ANGPTL3: variants seen among roughly 807,000 people sequenced by gnomAD.
The protein encoded by ANGPTL3 is angiopoietin-related protein 3.
A neutral mutation model predicts 52.7 loss-of-function variants in ANGPTL3; 51 were observed. The ratio of observed to expected loss-of-function variants is 0.97; its 90% CI spans 0.77 to 1.22. ANGPTL3 has a LOEUF of 1.22. Among genes scored for constraint, ANGPTL3 ranks in the 50% most tolerant of loss-of-function variants. The pLI is 0.00. For missense variants in ANGPTL3, 506 were observed against 520.7 expected (o/e 0.97, Z 0.27); for synonymous variants, 185 against 179.8 (o/e 1.03, Z -0.23).
In ANGPTL3 at chr1:62,597,821, A is replaced by G; in HGVS notation, c.255A>G (p.Leu85=). ...LNIFDQSFYD[L]SLQTSEIKEE... is the part of the protein sequence containing the mutation. ...TATTTGATCAGTCTTTTTATGATCT[A>G]TCGCTGCAAACCAGTGAAATCAAAG... Residue 85 remains leucine, a synonymous_variant, in exon 1 of 7, where the codon CTA becomes CTG. Coordinates refer to ENST00000371129, the MANE Select transcript of ANGPTL3 (RefSeq NM_014495.4). The G allele has an allele frequency of 6.2e-7, 1 of 1,612,934 alleles. No individual in the cohort carries two copies. Among genetic ancestry groups the G allele is most frequent in the Non-Finnish European group, 8.5e-7 (1 of 1,179,412 alleles).
chr1:62,598,713 A>G lies in ANGPTL3; in HGVS notation c.513A>G (p.Gln171=). Residue 171 remains glutamine, a synonymous_variant, in exon 2 of 7, where the codon CAA becomes CAG. Transcript: ENST00000371129. ...ATATCCAGACTTTTGTAGAAAAACA[A>G]GATAATAGCATCAAAGACCTTCTCC... ...VTSLKTFVEK[Q]DNSIKDLLQT... 1 of 1,608,668 alleles carries G rather than the reference A, an allele frequency of 6.2e-7. No individual in the cohort carries two copies. The highest frequency in any genetic ancestry group is 1.1e-5 in the South Asian group (1 of 90,940).
chr1:62,601,145 A>C lies in ANGPTL3; in HGVS notation c.670A>C (p.Arg224=). The change falls in exon 3 of 7, where the codon AGA becomes CGA. Residue 224 remains arginine (R), a synonymous_variant. Transcript: ENST00000371129. The part of the protein sequence containing the change: ...ISLSSKPRAP[R]TTPFLQLNEI... Reference sequence around the variant, plus strand: ...TCTATCTTCCAAGCCAAGAGCACCAAGAACTACTCCCTTTCTTCAGTTGAA... The same window carrying C: ...TCTATCTTCCAAGCCAAGAGCACCACGAACTACTCCCTTTCTTCAGTTGAA... 1 of 1,611,142 alleles carries C rather than the reference A, an allele frequency of 6.2e-7. No individual in the cohort carries two copies. The highest frequency in any genetic ancestry group is 8.5e-7 in the Non-Finnish European group (1 of 1,177,790).
chr1:62,598,711 C>T lies in ANGPTL3; in HGVS notation c.511C>T (p.Gln171Ter). Reference sequence around the variant, plus strand: ...CTATATCCAGACTTTTGTAGAAAAACAAGATAATAGCATCAAAGACCTTCT... The same window carrying T: ...CTATATCCAGACTTTTGTAGAAAAATAAGATAATAGCATCAAAGACCTTCT... ...VTSLKTFVEK[Q>*]DNSIKDLLQT... Residue 171 changes from glutamine to a stop codon, truncating the protein, a stop_gained, in exon 2 of 7, where the codon CAA (glutamine) becomes TAA (stop). Coordinates refer to ENST00000371129, the MANE Select transcript of ANGPTL3 (RefSeq NM_014495.4). LOFTEE classifies it high-confidence loss of function. 2 of 1,607,834 alleles carry T rather than the reference C, an allele frequency of 1.2e-6. No homozygotes were observed. The highest frequency in any genetic ancestry group is 1.7e-6 in the Non-Finnish European group (2 of 1,174,936).
At position 62,604,149 on chromosome 1, in the gene ANGPTL3, A is replaced by T; in HGVS notation, c.1112A>T (p.Asn371Ile). Residue 371 changes from asparagine to isoleucine, a missense_variant, in exon 6 of 7, where the codon AAT (asparagine) becomes ATT (isoleucine). Transcript: ENST00000371129. The stretch of plus-strand genomic sequence containing the variant: ...GTTGCGATTACTGGCAATGTCCCCA[A>T]TGCAATCCCGGAAAACAAAGATTTG... Reference protein sequence around the residue: ...HLVAITGNVPNAIPENKDLVF... With the variant: ...HLVAITGNVPIAIPENKDLVF... 4 of 1,613,460 alleles carry T rather than the reference A, an allele frequency of 2.5e-6. No homozygotes were observed. In the South Asian group the frequency reaches 3.3e-5, roughly 13 times the overall value.
chr1:62,600,935 C>G, intron 2 of ANGPTL3, 147 bp from the exon 3 acceptor site: 1 of 609,874 alleles, frequency 1.6e-6, no homozygotes, highest in African/African-American at 1.9e-5. Flanking sequence ...TCTGTACAAT[C>G]TGAATAACAC....
In ANGPTL3 at chr1:62,604,055, G is replaced by A; in HGVS notation, c.1018G>A (p.Asp340Asn). 1 of 1,613,150 alleles carries A rather than the reference G, an allele frequency of 6.2e-7. No homozygotes were observed. Among genetic ancestry groups the A allele is most frequent in the Non-Finnish European group, 8.5e-7 (1 of 1,179,348 alleles). Reference sequence around the variant, plus strand: ...ACGAATTGAGTTGGAAGACTGGAAAGACAACAAACATTATATTGAATATTC... The same window carrying A: ...ACGAATTGAGTTGGAAGACTGGAAAAACAACAAACATTATATTGAATATTC... The part of the protein sequence containing the change: ...VLRIELEDWK[D>N]NKHYIEYSFY... The change falls in exon 6 of 7, where the codon GAC becomes AAC. Residue 340 changes from aspartate to asparagine, a missense_variant. Transcript: ENST00000371129.
chr1:62,597,727 G>A lies in ANGPTL3; in HGVS notation c.161G>A (p.Gly54Glu). 6.2e-7 allele frequency: 1 copy of A among 1,613,480 alleles called. No individual in the cohort carries two copies. Among genetic ancestry groups the A allele is most frequent in the Non-Finnish European group, 8.5e-7 (1 of 1,179,704 alleles). ...KILANGLLQL[G>E]HGLKDFVHKT... is the part of the protein sequence containing the mutation. ...TTAGCCAATGGCCTCCTTCAGTTGG[G>A]ACATGGTCTTAAAGACTTTGTCCAT... The change falls in exon 1 of 7, where the codon GGA (glycine) becomes GAA (glutamate). Residue 54 changes from glycine to glutamate, a missense_variant. Coordinates refer to ENST00000371129, the MANE Select transcript of ANGPTL3 (RefSeq NM_014495.4).
Position 62,602,332 on chromosome 1 carries a change from T to C in ANGPTL3, c.883T>C (p.Phe295Leu), listed in dbSNP as rs398122989. 3.7e-6 allele frequency: 6 copies of C among 1,610,822 alleles called. No individual in the cohort carries two copies. Among genetic ancestry groups the C allele is most frequent in the Non-Finnish European group, 5.1e-6 (6 of 1,177,758 alleles). ...IQHRIDGSQN[F>L]NETWENYKYG... ...ACATCGAATAGATGGATCACAAAAC[T>C]TCAATGAAACGTGGGAGAACTACAA... The change falls in exon 5 of 7, where the codon TTC becomes CTC. Residue 295 changes from phenylalanine (F) to leucine (L), a missense_variant. Coordinates refer to ENST00000371129, the MANE Select transcript of ANGPTL3 (RefSeq NM_014495.4).
In ANGPTL3 at chr1:62,598,753, CA is replaced by C. The variant is rs1649668389; in HGVS notation, c.555del (p.Gln185HisfsTer5). ...AGACCTTCTCCAGACCGTGGAAGAC[CA>C]ATATAAACAATTAAACCAACAGCAT... Reference protein sequence around the residue: ...IKDLLQTVEDQYKQLNQQHSQ... With the variant: ...IKDLLQTVEDXYKQLNQQHSQ... On this transcript the variant is annotated frameshift_variant, in exon 2 of 7. Transcript: ENST00000371129. LOFTEE classifies it high-confidence loss of function. 5.0e-6 allele frequency: 8 copies of C among 1,611,018 alleles called. No homozygotes were observed. The highest frequency in any genetic ancestry group is 6.8e-6 in the Non-Finnish European group (8 of 1,177,808).
Position 62,597,558 on chromosome 1 carries a change from A to C in ANGPTL3, c.-9A>C, listed in dbSNP as rs768802507. Reference sequence around the variant, plus strand: ...TCCACGTTGCTTGAAATTGAAAATCAAGATAAAAATGTTCACAATTAAGCT... The same window carrying C: ...TCCACGTTGCTTGAAATTGAAAATCCAGATAAAAATGTTCACAATTAAGCT... On this transcript the variant is annotated 5_prime_UTR_variant, in exon 1 of 7. Transcript: ENST00000371129. The C allele has an allele frequency of 2.0e-5, 33 of 1,612,152 alleles. No individual in the cohort carries two copies. The Admixed American group carries it at 5.5e-4, about 27-fold the overall frequency.
rs975111559 is a variant in ANGPTL3 at position 62,605,480 on chromosome 1, C to T, written c.*663C>T. On this transcript the variant is annotated 3_prime_UTR_variant, in exon 7 of 7. Coordinates refer to ENST00000371129, the MANE Select transcript of ANGPTL3 (RefSeq NM_014495.4). ...GGAGATGACTACTAAGTCACATTGA[C>T]TTTAACATGAGGTATCACTATACCT... The T allele has an allele frequency of 2.0e-5, 3 of 152,552 alleles. No homozygotes were observed. The highest frequency in any genetic ancestry group is 4.4e-5 in the Non-Finnish European group (3 of 68,044). 9.4% of individuals were successfully genotyped at this position (152,552 alleles called of 1,614,324 possible). A position where few individuals can be genotyped will look rare whatever the true frequency, so the allele number is the denominator to read the frequency against.
chr1:62,598,649 A>G, intron 1 of ANGPTL3, 47 bp from the exon 2 acceptor site: 1 of 1,024,070 alleles, frequency 9.8e-7, no homozygotes, highest in South Asian at 1.3e-5. Flanking sequence ...AATTAATAGA[A>G]AAGAAAGAGG....
At chr1:62,598,179 C>T (rs1481645813) in intron 1 of ANGPTL3, 118 bp downstream of exon 1, 3 of 1,000,142 alleles carry the variant, frequency 3.0e-6, no homozygotes, top group Non-Finnish European at 4.1e-6. Flanking sequence ...ACTTTTTTTT[C>T]CAAGAAAAAT....
chr1:62,602,445 T>C (rs2149537617), intron 5 of ANGPTL3, 65 bp downstream of exon 5: 2 of 1,408,254 alleles, frequency 1.4e-6, no homozygotes, highest in Non-Finnish European at 2.0e-6. Context: ...GAGAACCTCT[T>C]ATGGACCAGG....
At chr1:62,598,090 TTA>T (rs770841524) in intron 1 of ANGPTL3, 29 bp downstream of exon 1, 19 of 1,544,840 alleles carry the variant, frequency 1.2e-5, no homozygotes, top group East Asian at 7.0e-5. Flanking sequence ...GGGTTCATGT[TTA>T]TGTTTTCAAT....
intron 5 of ANGPTL3, 34 bp from the exon 6 acceptor site, chr1:62,603,935 A>G (rs758692292): frequency 5.0e-6 from 8 of 1,605,094 alleles, no homozygotes; most frequent in South Asian, 4.4e-5. Flanking sequence ...CCTGTACTTA[A>G]TAACTCACAG....
chr1:62,602,468 T>C, intron 5 of ANGPTL3, 88 bp downstream of exon 5: 1 of 1,180,014 alleles, frequency 8.5e-7, no homozygotes, highest in African/African-American at 1.5e-5. Context: ...TTAGGAAAAG[T>C]AGTAACGAAC....
intron 4 of ANGPTL3, 30 bp downstream of exon 4, chr1:62,601,912 A>T: frequency 7.1e-7 from 1 of 1,414,072 alleles, no homozygotes. Context: ...AATAGACAGT[A>T]GTTAGTTCAA....
At chr1:62,603,304 T>A (rs1041799462) in intron 5 of ANGPTL3, among the ~76,000 whole-genome samples, 1 of 151,704 alleles carries the variant, frequency 6.6e-6, no homozygotes, top group Non-Finnish European at 1.5e-5. Context: ...TAGTGAATGT[T>A]TAATGAAAAC....
Sources: allele counts gnomAD v4.1 joint callset (sites outside exome capture counted in the v4.1 genomes callset), GRCh38; gene constraint gnomAD v4.1.1; transcripts MANE v1.5; gene names NCBI Gene and HGNC (gene_info 2026-07-23, HGNC 2026-07-21).